The following CFAP58 variants were observed in gnomAD, a reference collection of about 807,000 sequenced individuals.
CFAP58 encodes the protein cilia and flagella associated protein 58, also known as cilia- and flagella-associated protein 58.
Under a neutral mutation model 119.5 loss-of-function variants are expected in CFAP58, and 88 were observed. The observed-to-expected ratio is 0.74, with a 90% CI of 0.62 to 0.88. The LOEUF (loss-of-function observed/expected upper bound fraction) is 0.88. Ranked by LOEUF, CFAP58 falls within the 40% of genes least tolerant of loss-of-function variation. The pLI is 0.00. For synonymous variants in CFAP58, 365 were observed against 366.3 expected (o/e 1.00, Z 0.04); for missense variants, 990 against 1,021.2 (o/e 0.97, Z 0.42).
chr10:104,379,257 T>G (rs1427037560), intron 8 of CFAP58, among the ~76,000 whole-genome samples: 1 of 152,224 alleles, frequency 6.6e-6, no homozygotes, highest in Non-Finnish European at 1.5e-5. Context: ...ATAAATGGGA[T>G]CATACACTAT....
intron 1 of CFAP58, among the ~76,000 whole-genome samples, chr10:104,357,269 C>T (rs1458523010): frequency 6.6e-6 from 1 of 152,062 alleles, no homozygotes. Context: ...ATTTGTTGCC[C>T]ATCTAACCAT....
chr10:104,344,362 A>G, the CFAP58 span, among the ~76,000 whole-genome samples: 2 of 152,242 alleles, frequency 1.3e-5, no homozygotes, highest in African/African-American at 2.4e-5. Flanking sequence ...TGTCTAAATC[A>G]GGAGTTGGCA....
chr10:104,403,223 A>G (rs1192118196), intron 13 of CFAP58, among the ~76,000 whole-genome samples: 1 of 152,052 alleles, frequency 6.6e-6, no homozygotes, highest in Non-Finnish European at 1.5e-5. Flanking sequence ...ACGAGATCTG[A>G]TGGTTTTTAT....
chr10:104,448,817 T>C (rs1271337607), intron 16 of CFAP58, among the ~76,000 whole-genome samples: 3 of 152,278 alleles, frequency 2.0e-5, no homozygotes, highest in Non-Finnish European at 4.4e-5. Context: ...CTTTTGATTA[T>C]TTTGTTCCTT....
chr10:104,441,251 C>A (rs1283827697), intron 15 of CFAP58, among the ~76,000 whole-genome samples: 2 of 152,240 alleles, frequency 1.3e-5, no homozygotes, highest in Non-Finnish European at 2.9e-5. Flanking sequence ...GATTTGCCTG[C>A]ATCGGCCTCC....
Position 104,454,461 on chromosome 10 carries a change from G to C in CFAP58, c.2550G>C (p.Met850Ile). ...CACCCATGGATAACACCTTCTTAAT[G>C]GTCAAACCAAATGGTCCTGGTTTTA... ...DTAPMDNTFL[M>I]VKPNGPGFTG... The change falls in exon 18 of 18, where the codon ATG (methionine) becomes ATC (isoleucine). Residue 850 changes from methionine (M) to isoleucine (I), a missense_variant. By Grantham distance (10) the Met-to-Ile change is conservative. Coordinates refer to ENST00000369704, the MANE Select transcript of CFAP58 (RefSeq NM_001008723.2). The C allele has an allele frequency of 1.9e-6, 3 of 1,613,770 alleles. No homozygotes were observed.
chr10:104,370,797 G>A, intron 6 of CFAP58, 98 bp from the exon 7 acceptor site: 1 of 1,108,922 alleles, frequency 9.0e-7, no homozygotes, highest in African/African-American at 1.6e-5. Flanking sequence ...AAAATGCCAT[G>A]GGAAGAATTT....
At chr10:104,368,940 G>T (rs2014787887) in intron 6 of CFAP58, among the ~76,000 whole-genome samples, 1 of 152,150 alleles carries the variant, frequency 6.6e-6, no homozygotes, top group Admixed American at 6.6e-5. Flanking sequence ...GAATGGCTGG[G>T]AGAGAGACTG....
intron 8 of CFAP58, among the ~76,000 whole-genome samples, chr10:104,377,622 T>C (rs997444984): frequency 6.6e-5 from 10 of 152,074 alleles, no homozygotes; most frequent in Non-Finnish European, 1.3e-4. Flanking sequence ...TGGGTGGTTG[T>C]GGGGGATGGT....
chr10:104,413,843 G>A (rs989760518), intron 15 of CFAP58, among the ~76,000 whole-genome samples: 1 of 152,134 alleles, frequency 6.6e-6, no homozygotes, highest in Non-Finnish European at 1.5e-5. Flanking sequence ...CATAAGGCAT[G>A]ATAGCATTGG....
intron 4 of CFAP58, 32 bp downstream of exon 4, chr10:104,364,921 T>C: frequency 6.3e-7 from 1 of 1,599,718 alleles, no homozygotes; most frequent in South Asian, 1.1e-5. Flanking sequence ...GAAGGAATAT[T>C]TCCTTCCAGA....
At chr10:104,438,340 TG>T (rs1564904718) in intron 15 of CFAP58, among the ~76,000 whole-genome samples, 39 of 133,056 alleles carry the variant, frequency 2.9e-4, no homozygotes, top group African/African-American at 1.2e-3. Flanking sequence ...TTTTGTTTTT[TG>T]TTTTTTGTTT....
At chr10:104,362,236 C>A in intron 3 of CFAP58, 65 bp downstream of exon 3, 3 of 1,413,704 alleles carry the variant, frequency 2.1e-6, no homozygotes, top group South Asian at 1.4e-5. Context: ...CAGTAGACAG[C>A]CTGGGGCTTG....
intron 15 of CFAP58, among the ~76,000 whole-genome samples, chr10:104,410,974 G>C (rs12269707): frequency 0.23 from 35,247 of 151,662 alleles, 4,413 homozygotes; most frequent in Middle Eastern, 0.35. Flanking sequence ...GAGTCTCACT[G>C]TGTCACCCAG....
At chr10:104,381,500 A>G (rs1381520763) in intron 9 of CFAP58, among the ~76,000 whole-genome samples, 1 of 152,088 alleles carries the variant, frequency 6.6e-6, no homozygotes. Context: ...TCATTTAATC[A>G]CCTTTTCTCC....
intron 17 of CFAP58, among the ~76,000 whole-genome samples, chr10:104,451,116 G>T (rs1368173477): frequency 1.3e-5 from 2 of 152,198 alleles, no homozygotes; most frequent in South Asian, 4.1e-4. Context: ...GTTTGGCTGC[G>T]TGACATTGCC....
At chr10:104,350,663 T>C (rs1176676023), upstream of CFAP58, among the ~76,000 whole-genome samples, 4 of 152,214 alleles carry the variant, frequency 2.6e-5, no homozygotes, top group African/African-American at 7.2e-5. Context: ...TGAGCTCCCA[T>C]TGTGCTTTCT....
At chr10:104,391,443 CTG>C (rs2012038287) in intron 9 of CFAP58, among the ~76,000 whole-genome samples, 1 of 152,184 alleles carries the variant, frequency 6.6e-6, no homozygotes, top group East Asian at 1.9e-4. Flanking sequence ...GTTATTTACA[CTG>C]TAGTTTCCTT....
chr10:104,418,378 C>T (rs1461199263), intron 15 of CFAP58, among the ~76,000 whole-genome samples: 2 of 152,146 alleles, frequency 1.3e-5, no homozygotes, highest in African/African-American at 4.8e-5. Flanking sequence ...GAAACCCCAT[C>T]TCTACTAAAA....
Sources: gnomAD v4.1 joint callset for allele counts (sites outside exome capture counted in the v4.1 genomes callset) on GRCh38, gnomAD v4.1.1 for gene constraint, MANE v1.5 for transcripts, NCBI Gene and HGNC (gene_info 2026-07-23, HGNC 2026-07-21) for gene names.